The following MAN1A2 variants were observed in gnomAD, a reference collection of about 807,000 sequenced individuals.
MAN1A2 encodes the protein mannosidase alpha class 1A member 2.
MAN1A2 carries 26 observed loss-of-function variants against 75.7 expected under a neutral mutation model. That is an observed-to-expected ratio of 0.34 (90% confidence interval 0.25 to 0.48). MAN1A2 has a LOEUF of 0.48. Among genes scored for constraint, MAN1A2 ranks in the 20% least tolerant of loss-of-function variants. The pLI, the probability that MAN1A2 is intolerant of heterozygous loss-of-function variation, is 0.99. For missense variants in MAN1A2, 562 were observed against 775.5 expected, an observed-to-expected ratio of 0.72 and a Z score of 3.27; for synonymous variants, 247 against 264.6, an observed-to-expected ratio of 0.93 and a Z score of 0.65.
intron 4 of MAN1A2, among the ~76,000 whole-genome samples, chr1:117,418,370 A>G (rs1048729199): frequency 9.2e-5 from 14 of 152,030 alleles, no homozygotes; most frequent in Non-Finnish European, 1.6e-4. Flanking sequence ...AGTATTTTAC[A>G]TGGGGTGGTC....
intron 5 of MAN1A2, among the ~76,000 whole-genome samples, chr1:117,421,184 G>A (rs527288169): frequency 7.2e-5 from 11 of 152,094 alleles, no homozygotes; most frequent in African/African-American, 2.4e-4. Flanking sequence ...TTTTACTATT[G>A]AAATAGGTTA....
At chr1:117,420,853 G>A (rs1200604935) in intron 5 of MAN1A2, among the ~76,000 whole-genome samples, 3 of 152,004 alleles carry the variant, frequency 2.0e-5, no homozygotes, top group Non-Finnish European at 4.4e-5. Context: ...ATTCATCACA[G>A]ATCCTAGCTT....
At chr1:117,518,278 A>C (rs1329290499) in intron 12 of MAN1A2, among the ~76,000 whole-genome samples, 3 of 152,064 alleles carry the variant, frequency 2.0e-5, no homozygotes, top group Non-Finnish European at 4.4e-5. Flanking sequence ...TGAATACTGG[A>C]GAAAAGATAA....
intron 9 of MAN1A2, chr1:117,494,896 GAAACATAAT>G (rs1650990204): frequency 6.6e-6 from 1 of 151,754 alleles, no homozygotes; most frequent in Non-Finnish European, 1.5e-5. Context: ...CACAATACTT[GAAACATAAT>G]AAGTATTCCG....
At chr1:117,458,484 A>AAT (rs10569118) in intron 6 of MAN1A2, among the ~76,000 whole-genome samples, 2,544 of 104,572 alleles carry the variant, frequency 0.024, 63 homozygotes, top group African/African-American at 0.061. Context: ...TAAGATGAGA[A>AAT]ATATATATAT....
At position 117,523,721 on chromosome 1, in the gene MAN1A2, C is replaced by T. The variant is rs1017392490; in HGVS notation, c.*764C>T. 5 of 154,614 alleles carry T rather than the reference C, an allele frequency of 3.2e-5. No individual in the cohort carries two copies. Among genetic ancestry groups the T allele is most frequent in the Admixed American group, 1.3e-4 (2 of 15,424 alleles). 9.6% of individuals were successfully genotyped at this position (154,614 alleles called of 1,614,324 possible). A position where few individuals can be genotyped will look rare whatever the true frequency, so the allele number is the denominator to read the frequency against. ...ATGAGCCTGGGTTTGGGATTTTGTG[C>T]ATGTAGTTCAGTCTAGTGTTGGTAG... On this transcript the variant is annotated 3_prime_UTR_variant, in exon 13 of 13. Coordinates refer to ENST00000356554, the MANE Select transcript of MAN1A2 (RefSeq NM_006699.5).
chr1:117,408,254 C>T (rs1647677977), intron 3 of MAN1A2, among the ~76,000 whole-genome samples: 1 of 147,944 alleles, frequency 6.8e-6, no homozygotes, highest in Admixed American at 6.8e-5. Flanking sequence ...TGAATAGCCA[C>T]TGTGCCCTAA....
At chr1:117,381,218 G>C (rs1653323337) in intron 1 of MAN1A2, among the ~76,000 whole-genome samples, 1 of 151,794 alleles carries the variant, frequency 6.6e-6, no homozygotes, top group African/African-American at 2.4e-5. Context: ...TAAGTTTTAG[G>C]GTACATGTGC....
At chr1:117,466,215 A>G (rs1649976367) in intron 7 of MAN1A2, 119 bp from the exon 8 acceptor site, 1 of 612,146 alleles carries the variant, frequency 1.6e-6, no homozygotes, top group Non-Finnish European at 2.8e-6. Context: ...TCCAACACAC[A>G]CACAAAGGCA....
chr1:117,508,526 C>T (rs1295130671), intron 12 of MAN1A2, among the ~76,000 whole-genome samples: 1 of 151,222 alleles, frequency 6.6e-6, no homozygotes, highest in Non-Finnish European at 1.5e-5. Context: ...AAGAATATGT[C>T]TTATATTCTT....
Position 117,367,668 on chromosome 1 carries a change from G to T in MAN1A2, c.-516G>T, listed in dbSNP as rs1277158771. ...GCTTCGGCTTCCCAGCGAAGTGGGA[G>T]ACCTTCCTCCCTGTTTGCAGACGTC... On this transcript the variant is annotated 5_prime_UTR_variant, in exon 1 of 13. Coordinates refer to ENST00000356554, the MANE Select transcript of MAN1A2 (RefSeq NM_006699.5). 6.6e-6 allele frequency: 1 copy of T among 152,386 alleles called. No homozygotes were observed. Among genetic ancestry groups the T allele is most frequent in the Admixed American group, 6.5e-5 (1 of 15,290 alleles). 9.4% of individuals were successfully genotyped at this position (152,386 alleles called of 1,614,324 possible). A position where few individuals can be genotyped will look rare whatever the true frequency, so the allele number is the denominator to read the frequency against.
At chr1:117,485,175 T>G (rs960028354) in intron 8 of MAN1A2, among the ~76,000 whole-genome samples, 18 of 151,954 alleles carry the variant, frequency 1.2e-4, no homozygotes, top group African/African-American at 3.6e-4. Flanking sequence ...TCCTTTAGCT[T>G]CCATGTGCTT....
chr1:117,522,870 C>A lies in MAN1A2; in HGVS notation c.1839C>A (p.Asp613Glu), dbSNP rs1003526957. Residue 613 changes from aspartate (D) to glutamate (E), a missense_variant, in exon 13 of 13, where the codon GAC becomes GAA. This residue lies in a region of MAN1A2 where 434 missense variants were observed against 645.7 expected (regional missense o/e 0.67). Coordinates refer to ENST00000356554, the MANE Select transcript of MAN1A2 (RefSeq NM_006699.5). ...LFSGDDLLPL[D>E]HWVFNTEAHP... ...CCGGTGATGACCTTTTACCTTTAGA[C>A]CACTGGGTGTTTAATACAGAGGCTC... The A allele has an allele frequency of 1.9e-6, 3 of 1,611,540 alleles. No homozygotes were observed. Among genetic ancestry groups the A allele is most frequent in the African/African-American group, 2.7e-5 (2 of 74,722 alleles).
intron 5 of MAN1A2, among the ~76,000 whole-genome samples, chr1:117,421,680 T>G (rs1185527264): frequency 6.6e-6 from 1 of 152,058 alleles, no homozygotes; most frequent in African/African-American, 2.4e-5. Flanking sequence ...TATATTAGAT[T>G]ACATTTATCT....
chr1:117,524,861 T>C lies in MAN1A2; in HGVS notation c.*1904T>C, dbSNP rs576471787. 2 of 273,910 alleles carry C rather than the reference T, an allele frequency of 7.3e-6. No homozygotes were observed. Among genetic ancestry groups the C allele is most frequent in the East Asian group, 7.9e-5 (1 of 12,712 alleles). The allele number at this position is 273,910 out of a possible 1,614,324, so 17.0% of individuals were successfully genotyped here. ...TTTAAATTTCTAAATGAGAAAGGTATATATATTACTGTAACTGTAGAAGGG... is the reference window on the plus strand; with the variant it reads ...TTTAAATTTCTAAATGAGAAAGGTACATATATTACTGTAACTGTAGAAGGG... On this transcript the variant is annotated 3_prime_UTR_variant, in exon 13 of 13. Transcript: ENST00000356554.
At chr1:117,463,735 G>A (rs144130841) in intron 7 of MAN1A2, among the ~76,000 whole-genome samples, 50 of 151,138 alleles carry the variant, frequency 3.3e-4, no homozygotes, top group African/African-American at 1.2e-3. Context: ...GTCACCATGA[G>A]TAATTCATAC....
Position 117,406,347 on chromosome 1 carries a change from A to G in MAN1A2, c.655+702A>G, listed in dbSNP as rs116275925. On this transcript the variant is annotated intron_variant, in intron 3 of 12. Coordinates refer to ENST00000356554, the MANE Select transcript of MAN1A2 (RefSeq NM_006699.5). ...TGCTTCTTGATGTGACTTGATCATT[A>G]TCTTTTAAGTAATGATAGATGAAGG... Among the ~76,000 whole-genome samples the G allele has an allele frequency of 4.3e-3, 658 of 152,318 alleles. 1 individual carries two copies. Among genetic ancestry groups the G allele is most frequent in the African/African-American group, 0.015 (631 of 41,574 alleles).
At chr1:117,514,967 T>G (rs1290554) in intron 12 of MAN1A2, 10 of 513,532 alleles carry the variant, frequency 1.9e-5, no homozygotes, top group Non-Finnish European at 4.0e-5. Context: ...CAAATCAATA[T>G]GTACTTATAA....
At chr1:117,425,478 A>G (rs1648334347) in intron 5 of MAN1A2, among the ~76,000 whole-genome samples, 1 of 152,188 alleles carries the variant, frequency 6.6e-6, no homozygotes, top group South Asian at 2.1e-4. Flanking sequence ...CAAATCTAGC[A>G]ATATATAAAA....
Sources: gnomAD v4.1 joint callset for allele counts (sites outside exome capture counted in the v4.1 genomes callset) on GRCh38, gnomAD v4.1.1 for gene constraint, gnomAD v4.1.1 regional missense constraint, MANE v1.5 for transcripts, NCBI Gene and HGNC (gene_info 2026-07-23, HGNC 2026-07-21) for gene names.